Variants in SUMF1 observed in about 807,000 individuals in gnomAD.
SUMF1 encodes the protein sulfatase modifying factor 1, also known as formylglycine-generating enzyme.
SUMF1 carries 48 observed loss-of-function variants against 47.6 expected under a neutral mutation model. The ratio of observed to expected loss-of-function variants is 1.01; its 90% confidence interval spans 0.80 to 1.28. The LOEUF (loss-of-function observed/expected upper bound fraction) is 1.28. SUMF1 is among the 50% of genes most tolerant of loss of function. The pLI, the probability that SUMF1 is intolerant of heterozygous loss-of-function variation, is 0.00. For synonymous variants in SUMF1, 230 were observed against 192.1 expected, an observed-to-expected ratio of 1.20 and a Z score of -1.63; for missense variants, 571 against 485.4, an observed-to-expected ratio of 1.18 and a Z score of -1.66.
intron 8 of SUMF1, among the ~76,000 whole-genome samples, chr3:4,105,791 A>T (rs911353981): frequency 1.4e-4 from 21 of 152,100 alleles, no homozygotes; most frequent in Admixed American, 1.2e-3. Flanking sequence ...CATAAATTGA[A>T]TATGCATTCT....
chr3:4,387,381 T>C lies in SUMF1; in HGVS notation c.955-10992A>G, dbSNP rs532327401. On this transcript the variant is annotated intron_variant, in intron 7 of 8. Transcript: ENST00000272902. ...GCCTAAGTTGTCACATTTATGGGTA[T>C]ACAGATGTTCACAGTATTCCCTCAT... Among the ~76,000 whole-genome samples the C allele has an allele frequency of 6.6e-5, 10 of 152,214 alleles. No homozygotes were observed. In the South Asian group the frequency reaches 2.1e-3, roughly 32 times the overall value.
chr3:4,318,112 G>A (rs1399431344), intron 8 of SUMF1, among the ~76,000 whole-genome samples: 1 of 150,726 alleles, frequency 6.6e-6, no homozygotes, highest in Non-Finnish European at 1.5e-5. Context: ...AGACACATGA[G>A]TTAAAGAAGA....
intron 6 of SUMF1, among the ~76,000 whole-genome samples, chr3:4,413,666 T>A (rs1318994151): frequency 1.3e-5 from 2 of 151,966 alleles, no homozygotes; most frequent in Non-Finnish European, 2.9e-5. Context: ...AATCATTGTG[T>A]AACAAGCAGA....
chr3:4,289,670 C>A (rs143627126), intron 8 of SUMF1, among the ~76,000 whole-genome samples: 1 of 152,126 alleles, frequency 6.6e-6, no homozygotes, highest in South Asian at 2.1e-4. Context: ...ACTGGATCTA[C>A]CTTCTCTTAA....
chr3:4,303,542 G>GGCGGCGCGGGAGGCGGGCGC, intron 8 of SUMF1: 1 of 1,359,800 alleles, frequency 7.4e-7, no homozygotes, highest in Non-Finnish European at 9.4e-7. Context: ...GGCGGGGCCA[G>GGCGGCGCGGGAGGCGGGCGC]GCGGCGCGGG....
chr3:4,054,177 T>C (rs1695156924), intron 9 of SUMF1, among the ~76,000 whole-genome samples: 1 of 148,482 alleles, frequency 6.7e-6, no homozygotes, highest in African/African-American at 2.5e-5. Flanking sequence ...AAATAACTTT[T>C]AAATAAATGA....
intron 8 of SUMF1, among the ~76,000 whole-genome samples, chr3:4,117,360 C>T (rs1012767537): frequency 6.6e-6 from 1 of 151,980 alleles, no homozygotes; most frequent in African/African-American, 2.4e-5. Flanking sequence ...AAAAAAAAAT[C>T]TCATGGGACA....
intron 7 of SUMF1, among the ~76,000 whole-genome samples, chr3:4,379,552 T>C (rs1438386098): frequency 6.6e-6 from 1 of 152,132 alleles, no homozygotes; most frequent in Non-Finnish European, 1.5e-5. Flanking sequence ...AGAGGATAAA[T>C]TTCTGTTGTT....
At chr3:4,340,160 AGTT>A (rs1699241617) in intron 8 of SUMF1, among the ~76,000 whole-genome samples, 2 of 152,062 alleles carry the variant, frequency 1.3e-5, no homozygotes, top group South Asian at 2.1e-4. Context: ...CCAACTCCGG[AGTT>A]GTTAATGTAG....
At chr3:4,432,833 C>T (rs1005993793) in intron 3 of SUMF1, among the ~76,000 whole-genome samples, 2 of 152,184 alleles carry the variant, frequency 1.3e-5, no homozygotes, top group African/African-American at 4.8e-5. Context: ...GCACTTAAAA[C>T]ACAACCTAGC....
chr3:4,267,949 T>C (rs1482047492), intron 8 of SUMF1, among the ~76,000 whole-genome samples: 12 of 150,842 alleles, frequency 8.0e-5, no homozygotes, highest in African/African-American at 1.2e-4. Context: ...ATGTTTATTG[T>C]GGCACTATTC....
intron 8 of SUMF1, among the ~76,000 whole-genome samples, chr3:4,128,245 T>G (rs1693703056): frequency 6.6e-6 from 1 of 152,166 alleles, no homozygotes; most frequent in Non-Finnish European, 1.5e-5. Flanking sequence ...CAACAAAAGT[T>G]GCACGCACAG....
In SUMF1 at chr3:4,154,909, T is replaced by C. The variant is rs73118424; in HGVS notation, c.1015-86164A>G. ...CTTGAAGTAAGACCCTCTCTGAAAA[T>C]TGTCATATGGTCAGCAAGGAAGGAG... On this transcript the variant is annotated intron_variant and NMD_transcript_variant, in intron 8 of 12. Coordinates refer to the SUMF1 transcript ENST00000448413. 7.1e-3 allele frequency among the ~76,000 whole-genome samples: 1,077 copies of C among 151,506 alleles called. 56 individuals carry two copies. Among genetic ancestry groups the C allele is most frequent in the African/African-American group, 0.025 (1,032 of 40,876 alleles).
At chr3:4,215,433 A>G (rs1298314159) in intron 8 of SUMF1, among the ~76,000 whole-genome samples, 1 of 152,200 alleles carries the variant, frequency 6.6e-6, no homozygotes, top group African/African-American at 2.4e-5. Context: ...CCCACAGCCA[A>G]TATCATACTG....
chr3:4,190,060 A>G (rs990751770), intron 8 of SUMF1, among the ~76,000 whole-genome samples: 3 of 152,194 alleles, frequency 2.0e-5, no homozygotes, highest in Non-Finnish European at 2.9e-5. Flanking sequence ...ATTGATATCT[A>G]TAAAGACTTT....
At chr3:4,213,903 C>T (rs760618865) in intron 8 of SUMF1, among the ~76,000 whole-genome samples, 1 of 152,146 alleles carries the variant, frequency 6.6e-6, no homozygotes, top group Non-Finnish European at 1.5e-5. Flanking sequence ...GATCCAGATT[C>T]ATAAAGCAAG....
chr3:4,083,070 C>T (rs1043693559), intron 8 of SUMF1, among the ~76,000 whole-genome samples: 25 of 152,204 alleles, frequency 1.6e-4, no homozygotes, highest in African/African-American at 6.0e-4. Flanking sequence ...CAATGGCAGG[C>T]CCTCCGGCTA....
rs371910826 is a variant in SUMF1 at position 4,135,173 on chromosome 3, A to T, written c.1015-66428T>A. Among the ~76,000 whole-genome samples, 12 of 152,296 alleles carry T rather than the reference A, an allele frequency of 7.9e-5. 2 individuals carry two copies. Among genetic ancestry groups the T allele is most frequent in the Admixed American group, 6.5e-5 (1 of 15,294 alleles). On this transcript the variant is annotated intron_variant and NMD_transcript_variant, in intron 8 of 12. Coordinates refer to the SUMF1 transcript ENST00000448413. ...AGCCTGGCAGAGACACAACAAAAAA[A>T]GAGAAAATTTAGACCAATATCCTTG...
intron 3 of SUMF1, among the ~76,000 whole-genome samples, chr3:4,447,704 A>G (rs1166402436): frequency 6.6e-6 from 1 of 152,194 alleles, no homozygotes; most frequent in Non-Finnish European, 1.5e-5. Flanking sequence ...CTTTCTAAAT[A>G]AGCTTAAAAG....
Sources: allele counts gnomAD v4.1 joint callset (sites outside exome capture counted in the v4.1 genomes callset), GRCh38; gene constraint gnomAD v4.1.1; transcripts MANE v1.5; gene names NCBI Gene and HGNC (gene_info 2026-07-23, HGNC 2026-07-21).